The following C1QL3 variants were observed in gnomAD, a reference collection of about 807,000 sequenced individuals.
The protein encoded by C1QL3 is complement C1q-like protein 3.
In C1QL3, 4 loss-of-function variants were observed where a neutral mutation model predicts 16.6. The ratio of observed to expected loss-of-function variants is 0.24; its 90% CI spans 0.12 to 0.55. The LOEUF (loss-of-function observed/expected upper bound fraction) is 0.55, where lower values mean the gene tolerates loss of function less well. Ranked by LOEUF, C1QL3 falls within the 20% of genes least tolerant of loss-of-function variation. The probability of loss-of-function intolerance (pLI) is 0.94; values close to 1 mark genes in which losing one functional copy is unlikely to be tolerated. For missense variants in C1QL3, 269 were observed against 365.6 expected, an observed-to-expected ratio of 0.74 and a Z score of 2.16; for synonymous variants, 189 against 160.2, an observed-to-expected ratio of 1.18 and a Z score of -1.36.
intron 1 of C1QL3, among the ~76,000 whole-genome samples, chr10:16,518,215 C>G (rs1836983296): frequency 6.6e-6 from 1 of 152,226 alleles, no homozygotes; most frequent in Admixed American, 6.5e-5. Flanking sequence ...TCATTTGTAA[C>G]TGCCTGCAGA....
At position 16,521,015 on chromosome 10, in the gene C1QL3, G is replaced by C; in HGVS notation, c.51C>G (p.Gly17=). The change falls in exon 1 of 2, where the codon GGC becomes GGG. Residue 17 remains glycine (G), a synonymous_variant. Coordinates refer to ENST00000298943, the MANE Select transcript of C1QL3 (RefSeq NM_001010908.2). ...CCAGCATCTCGTAGTGCGCCGACGT[G>C]CCGGCCGAGCTCACCAGCACCGGGA... is the stretch of plus-strand genomic sequence containing the variant. ...ILIPVLVSSA[G]TSAHYEMLGT... The C allele has an allele frequency of 6.3e-7, 1 of 1,599,646 alleles. No homozygotes were observed. Among genetic ancestry groups the C allele is most frequent in the Non-Finnish European group, 8.5e-7 (1 of 1,178,430 alleles).
chr10:16,520,448 C>T lies in C1QL3; in HGVS notation c.588+30G>A. The T allele has an allele frequency of 1.6e-6, 2 of 1,215,084 alleles. No homozygotes were observed. Among genetic ancestry groups the T allele is most frequent in the Non-Finnish European group, 1.2e-6 (1 of 859,392 alleles). 75.3% of individuals were successfully genotyped at this position (1,215,084 alleles called of 1,614,324 possible). On this transcript the variant is annotated intron_variant, in intron 1 of 1. Coordinates refer to ENST00000298943, the MANE Select transcript of C1QL3 (RefSeq NM_001010908.2). This position sits in a 1 kb window ranked among gnomAD's most constrained non-coding sequence, Gnocchi z 8.3. ...GCCCGCACCTTCCCGCGCTCCCTCC[C>T]CGCCCTCCCCGCCGCCCGCCCGCGC...
chr10:16,520,444 C>CAACCCCCCCCA lies in C1QL3; in HGVS notation c.588+33_588+34insTGGGGGGGGTT. The CAACCCCCCCCA allele has an allele frequency of 7.9e-7, 1 of 1,271,932 alleles. No individual in the cohort carries two copies. The highest frequency in any genetic ancestry group is 1.1e-6 in the Non-Finnish European group (1 of 914,012). 78.8% of individuals were successfully genotyped at this position (1,271,932 alleles called of 1,614,324 possible). A position where few individuals can be genotyped will look rare whatever the true frequency, so the allele number is the denominator to read the frequency against. On this transcript the variant is annotated intron_variant, in intron 1 of 1. Coordinates refer to ENST00000298943, the MANE Select transcript of C1QL3 (RefSeq NM_001010908.2). The surrounding 1 kb of genome is among the most constrained non-coding windows in gnomAD (Gnocchi z 8.3). ...TCTCGCCCGCACCTTCCCGCGCTCC[C>CAACCCCCCCCA]TCCCCGCCCTCCCCGCCGCCCGCCC...
chr10:16,518,695 T>C (rs1371927830), intron 1 of C1QL3, among the ~76,000 whole-genome samples: 2 of 152,236 alleles, frequency 1.3e-5, no homozygotes, highest in Non-Finnish European at 2.9e-5. Context: ...TGAGCATTTT[T>C]ACACATTTGC....
In C1QL3 at chr10:16,521,329, G is replaced by T. The variant is rs2133543756; in HGVS notation, c.-264C>A. The T allele has an allele frequency of 2.6e-6, 1 of 381,862 alleles. No individual in the cohort carries two copies. The highest frequency in any genetic ancestry group is 4.7e-6 in the Non-Finnish European group (1 of 214,794). 23.7% of individuals were successfully genotyped at this position (381,862 alleles called of 1,614,324 possible). Reference sequence around the variant, plus strand: ...CCAGTGACTTGAGCCGAAGTCCCGAGCCCGGGGTGGGGGCCGGGGGAGGGG... The same window carrying T: ...CCAGTGACTTGAGCCGAAGTCCCGATCCCGGGGTGGGGGCCGGGGGAGGGG... On this transcript the variant is annotated 5_prime_UTR_variant, in exon 1 of 2. Coordinates refer to ENST00000298943, the MANE Select transcript of C1QL3 (RefSeq NM_001010908.2).
intron 1 of C1QL3, among the ~76,000 whole-genome samples, chr10:16,515,383 ATTAC>A (rs1836935113): frequency 6.6e-6 from 1 of 152,008 alleles, no homozygotes; most frequent in Non-Finnish European, 1.5e-5. Flanking sequence ...GTGTCTTTTT[ATTAC>A]TTAACTATGA....
chr10:16,515,373 G>A (rs1836934882), intron 1 of C1QL3, among the ~76,000 whole-genome samples: 1 of 151,640 alleles, frequency 6.6e-6, no homozygotes, highest in South Asian at 2.1e-4. Context: ...TTTTTCCATC[G>A]TGTCTTTTTA....
At chr10:16,514,845 G>T in intron 1 of C1QL3, 138 bp from the exon 2 acceptor site, 1 of 644,812 alleles carries the variant, frequency 1.6e-6, no homozygotes, top group Non-Finnish European at 2.6e-6. Flanking sequence ...TGACCTCAGA[G>T]CTTTATGAGG....
chr10:16,516,781 C>T (rs1054310679), intron 1 of C1QL3, among the ~76,000 whole-genome samples: 2 of 152,200 alleles, frequency 1.3e-5, no homozygotes, highest in African/African-American at 2.4e-5. Context: ...CAAATTCCTG[C>T]GAATGCATTA....
chr10:16,515,859 G>A (rs953443823), intron 1 of C1QL3, among the ~76,000 whole-genome samples: 1 of 152,036 alleles, frequency 6.6e-6, no homozygotes, highest in Non-Finnish European at 1.5e-5. Context: ...TGATTTAGTG[G>A]TTTTGTAAAC....
chr10:16,513,766 A>G lies in C1QL3; in HGVS notation c.*762T>C, dbSNP rs1400447892. On this transcript the variant is annotated 3_prime_UTR_variant, in exon 2 of 2. Transcript: ENST00000298943. The stretch of plus-strand genomic sequence containing the variant: ...GTGAATCTAAATGTATTCAGTTGAC[A>G]AAATGGACACATAAGGGCTTTTTCT... The G allele has an allele frequency of 6.6e-6, 1 of 152,610 alleles. No individual in the cohort carries two copies. The highest frequency in any genetic ancestry group is 1.5e-5 in the Non-Finnish European group (1 of 68,020). 9.5% of individuals were successfully genotyped at this position (152,610 alleles called of 1,614,324 possible).
chr10:16,520,458 C>T lies in C1QL3; in HGVS notation c.588+20G>A, dbSNP rs1467549892. 4 of 1,470,236 alleles carry T rather than the reference C, an allele frequency of 2.7e-6. No homozygotes were observed. The highest frequency in any genetic ancestry group is 2.6e-5 in the East Asian group (1 of 38,648). The allele number at this position is 1,470,236 out of a possible 1,614,324, so 91.1% of individuals were successfully genotyped here. A position where few individuals can be genotyped will look rare whatever the true frequency, so the allele number is the denominator to read the frequency against. On this transcript the variant is annotated intron_variant, in intron 1 of 1. Transcript: ENST00000298943. The surrounding 1 kb of genome is among the most constrained non-coding windows in gnomAD (Gnocchi z 8.3). The stretch of plus-strand genomic sequence containing the variant: ...TCCCGCGCTCCCTCCCCGCCCTCCC[C>T]GCCGCCCGCCCGCGCTCACCTGGTT...
rs1455424606 is a variant in C1QL3 at position 16,514,677 on chromosome 10, C to T, written c.619G>A (p.Asp207Asn). The change falls in exon 2 of 2, where the codon GAT (aspartate) becomes AAT (asparagine). Residue 207 changes from aspartate (D) to asparagine (N), a missense_variant. Physicochemically the swap from Asp to Asn is conservative, Grantham distance 23. Coordinates refer to ENST00000298943, the MANE Select transcript of C1QL3 (RefSeq NM_001010908.2). ...VRASAIAQDA[D>N]QNYDYASNSV... The stretch of plus-strand genomic sequence containing the variant: ...TTACTGGCATAGTCGTAATTCTGAT[C>T]AGCATCTTGGGCAATTGCACTAGCA... The T allele has an allele frequency of 6.2e-7, 1 of 1,613,606 alleles. No individual in the cohort carries two copies. The highest frequency in any genetic ancestry group is 1.3e-5 in the African/African-American group (1 of 74,920).
Position 16,520,938 on chromosome 10 carries a change from G to A in C1QL3, c.128C>T (p.Thr43Ile). 6.4e-7 allele frequency: 1 copy of A among 1,571,138 alleles called. No homozygotes were observed. The highest frequency in any genetic ancestry group is 8.6e-7 in the Non-Finnish European group (1 of 1,167,048). Residue 43 changes from threonine (T) to isoleucine (I), a missense_variant, in exon 1 of 2, where the codon ACC becomes ATC. Physicochemically the swap from Thr to Ile is moderately conservative, Grantham distance 89. Coordinates refer to ENST00000298943, the MANE Select transcript of C1QL3 (RefSeq NM_001010908.2). This position sits in a 1 kb window ranked among gnomAD's most constrained non-coding sequence, Gnocchi z 8.3. ...DPYGGTKAPSTAATPDRGLMQ... is the reference protein window; with the variant it reads ...DPYGGTKAPSIAATPDRGLMQ... ...GAGGCCGCGGTCGGGCGTGGCAGCG[G>A]TGCTGGGCGCCTTGGTGCCCCCGTA...
rs1837022460 is a variant in C1QL3 at position 16,520,425 on chromosome 10, C to G, written c.588+53G>C. 1.5e-6 allele frequency: 2 copies of G among 1,356,066 alleles called. No individual in the cohort carries two copies. Among genetic ancestry groups the G allele is most frequent in the African/African-American group, 3.0e-5 (2 of 66,834 alleles). The allele number at this position is 1,356,066 out of a possible 1,614,324, so 84.0% of individuals were successfully genotyped here. The stretch of plus-strand genomic sequence containing the variant: ...ATTTCCGGGGTCTCCTCCCTCTCGC[C>G]CGCACCTTCCCGCGCTCCCTCCCCG... On this transcript the variant is annotated intron_variant, in intron 1 of 1. Transcript: ENST00000298943. The surrounding 1 kb of genome is among the most constrained non-coding windows in gnomAD (Gnocchi z 8.3).
Position 16,514,620 on chromosome 10 carries a change from C to T in C1QL3, c.676G>A (p.Glu226Lys). The change falls in exon 2 of 2, where the codon GAA (glutamate) becomes AAA (lysine). Residue 226 changes from glutamate to lysine, a missense_variant. Physicochemically the swap from Glu to Lys is moderately conservative, Grantham distance 56. This residue lies in a region of C1QL3 where 23 missense variants were observed against 68.4 expected (regional missense o/e 0.34). Coordinates refer to ENST00000298943, the MANE Select transcript of C1QL3 (RefSeq NM_001010908.2). The stretch of plus-strand genomic sequence containing the variant: ...CCGCCATCTAATTTGATATAGACTT[C>T]ATCTCCCGGCTCCAAATGAAGAACC... Reference protein sequence around the residue: ...SVVLHLEPGDEVYIKLDGGKA... With the variant: ...SVVLHLEPGDKVYIKLDGGKA... 1 of 1,613,926 alleles carries T rather than the reference C, an allele frequency of 6.2e-7. No homozygotes were observed. The highest frequency in any genetic ancestry group is 8.5e-7 in the Non-Finnish European group (1 of 1,179,784).
Position 16,518,871 on chromosome 10 carries a change from AG to A in C1QL3, c.588+1606del, listed in dbSNP as rs368306258. ...GGGACTGTTCATAAGCCTTTTTGTG[AG>A]GGTGATTCAATAGCTCCATTCTGGT... On this transcript the variant is annotated intron_variant, in intron 1 of 1. Coordinates refer to ENST00000298943, the MANE Select transcript of C1QL3 (RefSeq NM_001010908.2). Among the ~76,000 whole-genome samples the A allele has an allele frequency of 1.9e-3, 295 of 152,108 alleles. 2 individuals are homozygous for A. Among genetic ancestry groups the A allele is most frequent in the African/African-American group, 6.6e-3 (273 of 41,476 alleles).
At position 16,521,172 on chromosome 10, in the gene C1QL3, G is replaced by T; in HGVS notation, c.-107C>A. On this transcript the variant is annotated 5_prime_UTR_variant, in exon 1 of 2. Coordinates refer to ENST00000298943, the MANE Select transcript of C1QL3 (RefSeq NM_001010908.2). ...GCTTTTGGACAGAATTTTGAAGGTT[G>T]GGCGGGGACCTCTTCAGAGCCGAAA... The T allele has an allele frequency of 9.1e-7, 1 of 1,099,852 alleles. No homozygotes were observed. The highest frequency in any genetic ancestry group is 1.4e-5 in the South Asian group (1 of 68,974). 68.1% of individuals were successfully genotyped at this position (1,099,852 alleles called of 1,614,324 possible). A position where few individuals can be genotyped will look rare whatever the true frequency, so the allele number is the denominator to read the frequency against.
At position 16,514,470 on chromosome 10, in the gene C1QL3, C is replaced by T. The variant is rs915547734; in HGVS notation, c.*58G>A. 4.6e-5 allele frequency: 67 copies of T among 1,466,928 alleles called. 1 individual carries two copies. Among genetic ancestry groups the T allele is most frequent in the Admixed American group, 3.2e-4 (18 of 56,870 alleles). 90.9% of individuals were successfully genotyped at this position (1,466,928 alleles called of 1,614,324 possible). On this transcript the variant is annotated 3_prime_UTR_variant, in exon 2 of 2. Coordinates refer to ENST00000298943, the MANE Select transcript of C1QL3 (RefSeq NM_001010908.2). ...TCCCCTGGGATCCTTGATTCACTGACGTTAGCCATACGAATCCAGTGTTCA... is the reference window on the plus strand; with the variant it reads ...TCCCCTGGGATCCTTGATTCACTGATGTTAGCCATACGAATCCAGTGTTCA...
Sources: gnomAD v4.1 joint callset for allele counts (sites outside exome capture counted in the v4.1 genomes callset) on GRCh38, gnomAD v4.1.1 for gene constraint, gnomAD v4.1.1 regional missense constraint, Gnocchi (gnomAD v3.1) non-coding constraint, MANE v1.5 for transcripts, NCBI Gene and HGNC (gene_info 2026-07-23, HGNC 2026-07-21) for gene names.